Variants in CDH4 observed in about 807,000 individuals in gnomAD.
CDH4 encodes cadherin-4.
A neutral mutation model predicts 86.0 loss-of-function variants in CDH4; 33 were observed. The observed-to-expected ratio is 0.38, with a 90% CI of 0.29 to 0.51. The LOEUF is 0.51. CDH4 is among the 20% of genes least tolerant of loss of function. The probability of loss-of-function intolerance (pLI) is 0.86; values close to 1 mark genes in which losing one functional copy is unlikely to be tolerated. For missense variants in CDH4, 1,114 were observed against 1,307.4 expected (o/e 0.85, Z 2.28); for synonymous variants, 555 against 549.4 (o/e 1.01, Z -0.14).
chr20:61,584,406 C>G (rs1474778394), intron 2 of CDH4, among the ~76,000 whole-genome samples: 1 of 152,204 alleles, frequency 6.6e-6, no homozygotes, highest in East Asian at 1.9e-4. Flanking sequence ...GCCCTTTCTG[C>G]TCATCCCAGA....
At chr20:61,576,765 G>A (rs2086385263) in intron 2 of CDH4, among the ~76,000 whole-genome samples, 1 of 152,188 alleles carries the variant, frequency 6.6e-6, no homozygotes, top group African/African-American at 2.4e-5. Context: ...GAAATGTCAG[G>A]CGAATGAAGT....
chr20:61,511,597 T>C (rs984137507), intron 2 of CDH4, among the ~76,000 whole-genome samples: 4 of 152,238 alleles, frequency 2.6e-5, no homozygotes, highest in African/African-American at 9.7e-5. Flanking sequence ...TTATAGCATT[T>C]TACAAATATG....
intron 2 of CDH4, among the ~76,000 whole-genome samples, chr20:61,692,963 AT>A (rs2087675875): frequency 6.6e-6 from 1 of 152,038 alleles, no homozygotes; most frequent in Non-Finnish European, 1.5e-5. Context: ...TGAAAGGAGA[AT>A]TTTTTTCCAG....
intron 2 of CDH4, among the ~76,000 whole-genome samples, chr20:61,644,427 C>T (rs944263): frequency 0.35 from 52,972 of 152,136 alleles, 9,293 homozygotes; most frequent in East Asian, 0.48. Context: ...CTGGTGCCTT[C>T]GACAGCTCTA....
At chr20:61,459,738 C>T (rs2085431267) in intron 2 of CDH4, among the ~76,000 whole-genome samples, 1 of 151,838 alleles carries the variant, frequency 6.6e-6, no homozygotes, top group Non-Finnish European at 1.5e-5. Context: ...TGTGGTTGTC[C>T]TTAAAGTACC....
chr20:61,538,600 T>C (rs993522684), intron 2 of CDH4, among the ~76,000 whole-genome samples: 1 of 152,182 alleles, frequency 6.6e-6, no homozygotes, highest in Non-Finnish European at 1.5e-5. Flanking sequence ...GAGGACTCCT[T>C]CCCAGGATCT....
At chr20:61,485,880 C>T (rs1028684724) in intron 2 of CDH4, among the ~76,000 whole-genome samples, 12 of 152,344 alleles carry the variant, frequency 7.9e-5, no homozygotes, top group Non-Finnish European at 1.3e-4. Flanking sequence ...CTACACTCCA[C>T]GTTCCTCTGA....
intron 2 of CDH4, among the ~76,000 whole-genome samples, chr20:61,532,832 C>T (rs146814087): frequency 6.6e-6 from 1 of 152,268 alleles, no homozygotes; most frequent in Admixed American, 6.5e-5. Context: ...TTCCCACAAG[C>T]GTAGCAGCTG....
At position 61,902,552 on chromosome 20, in the gene CDH4, G is replaced by A. The variant is rs1183405397; in HGVS notation, c.1188+7505G>A. On this transcript the variant is annotated intron_variant, in intron 8 of 15. Coordinates refer to ENST00000614565, the MANE Select transcript of CDH4 (RefSeq NM_001794.5). The surrounding 1 kb of genome is among the most constrained non-coding windows in gnomAD (Gnocchi z 4.6). The stretch of plus-strand genomic sequence containing the variant: ...CACACCTTTTCTTGAATGGTCTGGA[G>A]AGTAAATGTTTGCGCTTTGGCTGCC... Among the ~76,000 whole-genome samples, 3 of 152,244 alleles carry A rather than the reference G, an allele frequency of 2.0e-5. No individual in the cohort carries two copies. Among genetic ancestry groups the A allele is most frequent in the Non-Finnish European group, 4.4e-5 (3 of 68,048 alleles).
chr20:61,660,608 G>C (rs2087242573), intron 2 of CDH4, among the ~76,000 whole-genome samples: 1 of 152,138 alleles, frequency 6.6e-6, no homozygotes, highest in African/African-American at 2.4e-5. Context: ...GGTGGACGGG[G>C]CGGTCGTTCC....
At chr20:61,854,104 A>G (rs896773673) in intron 6 of CDH4, among the ~76,000 whole-genome samples, 6 of 152,182 alleles carry the variant, frequency 3.9e-5, no homozygotes, top group Non-Finnish European at 8.8e-5. Context: ...GCCAGTGCCC[A>G]GCAAGTGACG....
chr20:61,460,551 A>G (rs538276520), intron 2 of CDH4, among the ~76,000 whole-genome samples: 1 of 152,334 alleles, frequency 6.6e-6, no homozygotes, highest in East Asian at 1.9e-4. Context: ...TTTGGGGATA[A>G]GGGCCTTGGG....
At chr20:61,503,912 G>A (rs545590836) in intron 2 of CDH4, among the ~76,000 whole-genome samples, 8 of 152,262 alleles carry the variant, frequency 5.3e-5, no homozygotes, top group South Asian at 4.1e-4. Flanking sequence ...TGAACTCTGC[G>A]TCTTTGGCTC....
At chr20:61,800,671 G>A (rs1362431878) in intron 4 of CDH4, among the ~76,000 whole-genome samples, 2 of 152,208 alleles carry the variant, frequency 1.3e-5, no homozygotes, top group Non-Finnish European at 1.5e-5. Context: ...TATGGGCAGG[G>A]GGCTCACAGG....
chr20:61,814,864 T>C lies in CDH4; in HGVS notation c.577-29804T>C, dbSNP rs982437276. Among the ~76,000 whole-genome samples the C allele has an allele frequency of 1.8e-4, 28 of 152,304 alleles. 1 individual carries two copies. The highest frequency in any genetic ancestry group is 1.3e-3 in the Admixed American group (20 of 15,312). ...CCCAGGGAAAGTCAGTCCTCTCTGA[T>C]CCCTGCAAGGTGCTGAGGCCCAGTC... is the stretch of plus-strand genomic sequence containing the variant. On this transcript the variant is annotated intron_variant, in intron 4 of 15. Coordinates refer to ENST00000614565, the MANE Select transcript of CDH4 (RefSeq NM_001794.5).
intron 2 of CDH4, among the ~76,000 whole-genome samples, chr20:61,471,498 A>AT (rs138357591): frequency 0.38 from 54,963 of 143,762 alleles, 11,289 homozygotes; most frequent in Admixed American, 0.5. Context: ...TTTTTTTTGT[A>AT]TTTTTTTTCA....
intron 2 of CDH4, among the ~76,000 whole-genome samples, chr20:61,722,388 G>C (rs1321824591): frequency 6.6e-6 from 1 of 152,178 alleles, no homozygotes; most frequent in Non-Finnish European, 1.5e-5. Context: ...CCTTGGCACA[G>C]AGCCCACTCA....
intron 2 of CDH4, among the ~76,000 whole-genome samples, chr20:61,696,557 G>A (rs568458430): frequency 2.0e-5 from 3 of 152,332 alleles, no homozygotes; most frequent in Non-Finnish European, 2.9e-5. Flanking sequence ...AGACGGGACC[G>A]GGGCTGAGAT....
At chr20:61,701,357 A>G (rs1264178123) in intron 2 of CDH4, among the ~76,000 whole-genome samples, 1 of 152,224 alleles carries the variant, frequency 6.6e-6, no homozygotes, top group East Asian at 1.9e-4. Context: ...AATTGAACCC[A>G]TAACAAGCGA....
Sources: gnomAD v4.1 joint callset for allele counts (sites outside exome capture counted in the v4.1 genomes callset) on GRCh38, gnomAD v4.1.1 for gene constraint, Gnocchi (gnomAD v3.1) non-coding constraint, MANE v1.5 for transcripts, NCBI Gene and HGNC (gene_info 2026-07-23, HGNC 2026-07-21) for gene names.